Variants in ZNF512 observed in about 807,000 individuals in gnomAD.
ZNF512 encodes zinc finger protein 512.
Under a neutral mutation model 77.5 loss-of-function variants are expected in ZNF512, and 25 were observed. The observed-to-expected ratio is 0.32, with a 90% confidence interval of 0.23 to 0.45. The LOEUF (loss-of-function observed/expected upper bound fraction) is 0.45, where lower values mean the gene tolerates loss of function less well. ZNF512 is among the 20% of genes least tolerant of loss of function. ZNF512 has a pLI of 1.00. For missense variants in ZNF512, 483 were observed against 692.6 expected (o/e 0.70, Z 3.40); for synonymous variants, 246 against 239.9 (o/e 1.03, Z -0.24).
At chr2:27,588,375 G>T (rs1671432732) in intron 2 of ZNF512, among the ~76,000 whole-genome samples, 1 of 152,004 alleles carries the variant, frequency 6.6e-6, no homozygotes, top group Non-Finnish European at 1.5e-5. Context: ...TAATTGCAGA[G>T]ATTTTCTGTG....
At chr2:27,604,039 A>C (rs542195746) in intron 9 of ZNF512, among the ~76,000 whole-genome samples, 2 of 151,902 alleles carry the variant, frequency 1.3e-5, no homozygotes, top group South Asian at 4.2e-4. Flanking sequence ...CAATTCTCCT[A>C]CTTCAGCTTC....
At chr2:27,606,563 G>A (rs1393831243) in intron 9 of ZNF512, among the ~76,000 whole-genome samples, 1 of 152,010 alleles carries the variant, frequency 6.6e-6, no homozygotes, top group Non-Finnish European at 1.5e-5. Context: ...GTTTCACCAT[G>A]TTGGCCAGGC....
At chr2:27,614,482 A>G (rs1672796895) in intron 10 of ZNF512, among the ~76,000 whole-genome samples, 1 of 152,216 alleles carries the variant, frequency 6.6e-6, no homozygotes, top group African/African-American at 2.4e-5. Context: ...TTACCATGTT[A>G]TAATTGAAGA....
intron 2 of ZNF512, among the ~76,000 whole-genome samples, chr2:27,587,174 T>C (rs2148000524): frequency 6.6e-6 from 1 of 152,322 alleles, no homozygotes; most frequent in African/African-American, 2.4e-5. Context: ...TGGTATTATT[T>C]TGCATTCCTA....
chr2:27,591,234 G>T (rs547254222), intron 2 of ZNF512, among the ~76,000 whole-genome samples: 1 of 151,898 alleles, frequency 6.6e-6, no homozygotes, highest in East Asian at 1.9e-4. Flanking sequence ...TTTTATTTTT[G>T]TGGGTACATA....
At chr2:27,599,866 C>T (rs892481598) in intron 4 of ZNF512, 104 bp from the exon 5 acceptor site, 59 of 1,347,734 alleles carry the variant, frequency 4.4e-5, no homozygotes, top group African/African-American at 1.6e-4. Context: ...GGCAGTCAGT[C>T]GGTTGAGGGA....
At chr2:27,616,000 TA>T (rs1407704204) in intron 11 of ZNF512, among the ~76,000 whole-genome samples, 1 of 152,226 alleles carries the variant, frequency 6.6e-6, no homozygotes, top group African/African-American at 2.4e-5. Flanking sequence ...GTGTTTCTCT[TA>T]AGTGTCAGAG....
At chr2:27,602,667 T>C in intron 8 of ZNF512, 106 bp downstream of exon 8, 1 of 928,550 alleles carries the variant, frequency 1.1e-6, no homozygotes, top group Non-Finnish European at 1.6e-6. Context: ...CCTAGTTCTG[T>C]ACTATCTTGG....
At chr2:27,600,867 A>G (rs761525892) in intron 6 of ZNF512, 52 bp downstream of exon 6, 5 of 1,591,800 alleles carry the variant, frequency 3.1e-6, no homozygotes, top group African/African-American at 1.4e-5. Flanking sequence ...CCCAAACTTT[A>G]GACTTCTTTT....
rs1672048511 is a variant in ZNF512, at chr2:27,600,062, T to C, written c.457+9T>C. 1 of 1,613,740 alleles carries C rather than the reference T, an allele frequency of 6.2e-7. No individual in the cohort carries two copies. On this transcript the variant is annotated intron_variant, in intron 5 of 13. Transcript: ENST00000355467. The stretch of plus-strand genomic sequence containing the variant: ...ACCAGTTTATGCAGCAGGTATGTTT[T>C]CTTTTGGAAGTTTTGAGGGATGTAG...
At chr2:27,586,422 G>T (rs1384555245) in intron 2 of ZNF512, among the ~76,000 whole-genome samples, 3 of 152,102 alleles carry the variant, frequency 2.0e-5, no homozygotes, top group Non-Finnish European at 4.4e-5. Context: ...TAGAGAAGGG[G>T]TTTCACAGTG....
intron 2 of ZNF512, among the ~76,000 whole-genome samples, chr2:27,585,437 G>A (rs1671284242): frequency 6.6e-6 from 1 of 152,062 alleles, no homozygotes; most frequent in Non-Finnish European, 1.5e-5. Flanking sequence ...AGATTATTAG[G>A]CCCCCATCCA....
intron 12 of ZNF512, among the ~76,000 whole-genome samples, 167 bp downstream of exon 12, chr2:27,616,491 G>A (rs1672885014): frequency 6.6e-6 from 1 of 152,140 alleles, no homozygotes; most frequent in African/African-American, 2.4e-5. Context: ...TGGGTGGGAT[G>A]CCAGGGCATG....
chr2:27,588,167 T>C lies in ZNF512; in HGVS notation c.89+4451T>C, dbSNP rs187797193. On this transcript the variant is annotated intron_variant, in intron 2 of 13. Transcript: ENST00000355467. ...TTTGTCTTTCATTTTCTTAATGATG[T>C]CTTTTGAAGAGCAAAAGGTTTAAAT... Among the ~76,000 whole-genome samples, 15 of 152,216 alleles carry C rather than the reference T, an allele frequency of 9.9e-5. No individual in the cohort carries two copies. The East Asian group carries it at 2.9e-3, about 29-fold the overall frequency.
At chr2:27,610,673 C>T (rs13407996) in intron 10 of ZNF512, among the ~76,000 whole-genome samples, 2,264 of 143,052 alleles carry the variant, frequency 0.016, 54 homozygotes, top group African/African-American at 0.055. Context: ...CTCTGCCTCC[C>T]AGGTTCAAGT....
At chr2:27,593,195 T>TACACACACACACACAC (rs57568574) in intron 2 of ZNF512, among the ~76,000 whole-genome samples, 3 of 112,078 alleles carry the variant, frequency 2.7e-5, no homozygotes, top group African/African-American at 1.1e-4. Flanking sequence ...ACCCTGTCTC[T>TACACACACACACACAC]ACACACACAC....
chr2:27,596,470 G>A (rs1671876350), intron 2 of ZNF512, among the ~76,000 whole-genome samples: 1 of 151,936 alleles, frequency 6.6e-6, no homozygotes, highest in East Asian at 1.9e-4. Flanking sequence ...CTTTTTTCCT[G>A]ATTTACCTGG....
At chr2:27,586,214 T>TTTG (rs70953868) in intron 2 of ZNF512, among the ~76,000 whole-genome samples, 31,463 of 149,452 alleles carry the variant, frequency 0.21, 3,474 homozygotes, top group East Asian at 0.33. Flanking sequence ...CCATCAAGTC[T>TTTG]TTGTTGTTGT....
intron 10 of ZNF512, among the ~76,000 whole-genome samples, chr2:27,610,569 T>TATATATACATA (rs70953871): frequency 7.0e-4 from 11 of 15,810 alleles, no homozygotes; most frequent in African/African-American, 1.0e-3. Flanking sequence ...TATATATATA[T>TATATATACATA]TTTTTTTTTT....
Sources: allele counts gnomAD v4.1 joint callset (sites outside exome capture counted in the v4.1 genomes callset), GRCh38; gene constraint gnomAD v4.1.1; transcripts MANE v1.5; gene names NCBI Gene and HGNC (gene_info 2026-07-23, HGNC 2026-07-21).